The following TMEM108 variants were observed in gnomAD, a reference collection of about 807,000 sequenced individuals.
TMEM108 encodes the protein transmembrane protein 108, also known as cancer/testis antigen 124.
In TMEM108, 12 loss-of-function variants were observed where a neutral mutation model predicts 35.1. The observed-to-expected ratio is 0.34, with a 90% CI of 0.22 to 0.55. The LOEUF (loss-of-function observed/expected upper bound fraction) is 0.55. Ranked by LOEUF, TMEM108 falls within the 20% of genes least tolerant of loss-of-function variation. The pLI, the probability that TMEM108 is intolerant of heterozygous loss-of-function variation, is 0.89. For missense variants in TMEM108, 680 were observed against 753.3 expected, an observed-to-expected ratio of 0.90 and a Z score of 1.14; for synonymous variants, 287 against 308.6, an observed-to-expected ratio of 0.93 and a Z score of 0.73.
chr3:133,370,602 T>C lies in TMEM108; in HGVS notation c.41-9150T>C, dbSNP rs1042555934. The stretch of plus-strand genomic sequence containing the variant: ...GATGCATTTGTGTTCTTTCCCATGA[T>C]GTCAGAGAGATGTTCCATGAATATT... On this transcript the variant is annotated intron_variant, in intron 3 of 5. Coordinates refer to ENST00000321871, the MANE Select transcript of TMEM108 (RefSeq NM_023943.4). Among the ~76,000 whole-genome samples, 30 of 152,170 alleles carry C rather than the reference T, an allele frequency of 2.0e-4. 1 individual carries two copies. The highest frequency in any genetic ancestry group is 1.5e-5 in the Non-Finnish European group (1 of 68,034).
At chr3:133,073,114 A>C (rs1196835052) in intron 2 of TMEM108, among the ~76,000 whole-genome samples, 3 of 152,142 alleles carry the variant, frequency 2.0e-5, no homozygotes, top group East Asian at 3.8e-4. Flanking sequence ...ATTATCTCAC[A>C]TATTTATTTG....
intron 2 of TMEM108, among the ~76,000 whole-genome samples, chr3:133,058,332 G>C (rs1943497736): frequency 6.6e-6 from 1 of 152,194 alleles, no homozygotes; most frequent in South Asian, 2.1e-4. Context: ...GATTGGGCTG[G>C]GCCTAGGAAG....
intron 3 of TMEM108, among the ~76,000 whole-genome samples, chr3:133,291,159 A>G (rs755004125): frequency 2.0e-5 from 3 of 152,244 alleles, no homozygotes; most frequent in Non-Finnish European, 2.9e-5. Context: ...AGAACCATCA[A>G]TCAAAACAAG....
chr3:133,394,923 A>C (rs1276380563), intron 5 of TMEM108, among the ~76,000 whole-genome samples: 1 of 152,274 alleles, frequency 6.6e-6, no homozygotes, highest in Admixed American at 6.5e-5. Context: ...CAGTATACCT[A>C]GGCCTATAGT....
chr3:133,356,633 C>A (rs2072180439), intron 3 of TMEM108, among the ~76,000 whole-genome samples: 1 of 152,112 alleles, frequency 6.6e-6, no homozygotes. Flanking sequence ...GCACTTAGAC[C>A]AATGGGACGG....
intron 3 of TMEM108, among the ~76,000 whole-genome samples, chr3:133,313,216 G>A (rs1220486598): frequency 8.7e-6 from 1 of 114,324 alleles, no homozygotes; most frequent in African/African-American, 3.5e-5. Context: ...TTTTTTTTTT[G>A]AGATGGAGTC....
At chr3:133,381,218 C>G in intron 4 of TMEM108, 57 bp downstream of exon 4, 12 of 1,503,314 alleles carry the variant, frequency 8.0e-6, no homozygotes, top group Non-Finnish European at 1.1e-5. Flanking sequence ...TGGCTCAACC[C>G]CAGCATTCCT....
At chr3:133,383,445 C>T (rs1350879614) in intron 4 of TMEM108, among the ~76,000 whole-genome samples, 2 of 152,128 alleles carry the variant, frequency 1.3e-5, no homozygotes, top group Non-Finnish European at 2.9e-5. Context: ...TTCCTGTGTG[C>T]CCATTGTGTG....
At chr3:133,224,713 C>T (rs193108272) in intron 2 of TMEM108, among the ~76,000 whole-genome samples, 18 of 152,238 alleles carry the variant, frequency 1.2e-4, no homozygotes, top group African/African-American at 3.1e-4. Context: ...GAACGTGAGT[C>T]CATTAAACGT....
chr3:133,251,618 A>C (rs535841121), intron 3 of TMEM108, among the ~76,000 whole-genome samples: 119 of 152,284 alleles, frequency 7.8e-4, no homozygotes, highest in African/African-American at 2.7e-3. Flanking sequence ...GCCGGCCTTC[A>C]AGGTTATCAT....
chr3:133,069,292 G>T (rs1331799217), intron 2 of TMEM108, among the ~76,000 whole-genome samples: 3 of 152,082 alleles, frequency 2.0e-5, no homozygotes, highest in Non-Finnish European at 4.4e-5. Flanking sequence ...GTCTTTGCTG[G>T]GTCACATGGT....
At chr3:133,207,487 T>A (rs1945774807) in intron 2 of TMEM108, among the ~76,000 whole-genome samples, 1 of 152,142 alleles carries the variant, frequency 6.6e-6, no homozygotes, top group African/African-American at 2.4e-5. Context: ...GCGAAGTGGC[T>A]TACATGTTTG....
intron 3 of TMEM108, among the ~76,000 whole-genome samples, chr3:133,290,594 C>A (rs1171217411): frequency 2.6e-5 from 4 of 151,782 alleles, no homozygotes; most frequent in Non-Finnish European, 5.9e-5. Flanking sequence ...ACATTCCAGC[C>A]TGAGCAACAG....
At position 133,380,022 on chromosome 3, in the gene TMEM108, T is replaced by C. The variant is rs1308187267; in HGVS notation, c.311T>C (p.Val104Ala). ...ACCATCTCCACCATCGCTGCGACAG[T>C]AACCGCCCCCCATTCTGAAAGCTCC... ...THTISTIAAT[V>A]TAPHSESSLS... Residue 104 changes from valine to alanine, a missense_variant, in exon 4 of 6, where the codon GTA (valine) becomes GCA (alanine). This residue lies in a region of TMEM108 where 526 missense variants were observed against 532.1 expected (regional missense o/e 0.99). Coordinates refer to ENST00000321871, the MANE Select transcript of TMEM108 (RefSeq NM_023943.4). The surrounding 1 kb of genome is among the most constrained non-coding windows in gnomAD (Gnocchi z 5.3). 6.2e-6 allele frequency: 10 copies of C among 1,613,506 alleles called. No homozygotes were observed. Among genetic ancestry groups the C allele is most frequent in the Non-Finnish European group, 8.5e-6 (10 of 1,179,918 alleles).
intron 3 of TMEM108, among the ~76,000 whole-genome samples, chr3:133,376,311 G>T (rs1382566653): frequency 6.6e-6 from 1 of 152,114 alleles, no homozygotes; most frequent in African/African-American, 2.4e-5. Flanking sequence ...GGCCATGGTG[G>T]CTCCTCTCCC....
At chr3:133,391,346 G>GT (rs1334948232) in intron 5 of TMEM108, among the ~76,000 whole-genome samples, 6 of 152,200 alleles carry the variant, frequency 3.9e-5, no homozygotes, top group Non-Finnish European at 5.9e-5. Flanking sequence ...AGACATCTGA[G>GT]TAAGGCAGTG....
At chr3:133,335,936 T>C (rs2071489624) in intron 3 of TMEM108, among the ~76,000 whole-genome samples, 1 of 152,180 alleles carries the variant, frequency 6.6e-6, no homozygotes, top group East Asian at 1.9e-4. Flanking sequence ...TGTGTTGAAC[T>C]CAGTGCTGCC....
At chr3:133,220,893 A>T (rs895345880) in intron 2 of TMEM108, among the ~76,000 whole-genome samples, 2 of 152,220 alleles carry the variant, frequency 1.3e-5, no homozygotes, top group South Asian at 4.1e-4. Context: ...AACTTGCTAG[A>T]GTGGCTCATA....
intron 2 of TMEM108, among the ~76,000 whole-genome samples, chr3:133,199,954 G>C (rs1184032613): frequency 1.3e-5 from 2 of 152,226 alleles, no homozygotes; most frequent in East Asian, 3.9e-4. Context: ...ACCTACTCAA[G>C]CCTCAGCAAT....
Sources: gnomAD v4.1 joint callset for allele counts (sites outside exome capture counted in the v4.1 genomes callset) on GRCh38, gnomAD v4.1.1 for gene constraint, gnomAD v4.1.1 regional missense constraint, Gnocchi (gnomAD v3.1) non-coding constraint, MANE v1.5 for transcripts, NCBI Gene and HGNC (gene_info 2026-07-23, HGNC 2026-07-21) for gene names.